Variants in STAT6 observed in about 807,000 individuals in gnomAD.
The protein encoded by STAT6 is signal transducer and activator of transcription 6.
STAT6 carries 45 observed loss-of-function variants against 106.3 expected under a neutral mutation model. The observed-to-expected ratio is 0.42, with a 90% CI of 0.33 to 0.54. The LOEUF is 0.54. STAT6 is among the 20% of genes least tolerant of loss of function. The pLI, the probability that STAT6 is intolerant of heterozygous loss-of-function variation, is 0.06. For missense variants in STAT6, 797 were observed against 1,062.2 expected, an observed-to-expected ratio of 0.75 and a Z score of 3.47; for synonymous variants, 413 against 413.6, an observed-to-expected ratio of 1.00 and a Z score of 0.02.
At chr12:57,105,080 G>T in intron 9 of STAT6, 71 bp downstream of exon 9, 1 of 1,524,706 alleles carries the variant, frequency 6.6e-7, no homozygotes, top group Non-Finnish European at 8.8e-7. Flanking sequence ...GCTCTTTTCA[G>T]TGCCAGCCCT....
rs777746986 is a variant in STAT6, at chr12:57,099,365, C to A, written c.1820G>T (p.Arg607Leu). The A allele has an allele frequency of 6.2e-7, 1 of 1,614,080 alleles. No individual in the cohort carries two copies. Among genetic ancestry groups the A allele is most frequent in the Non-Finnish European group, 8.5e-7 (1 of 1,180,022 alleles). ...LSIRSLGDRIRDLAQLKNLYP... is the reference protein window; with the variant it reads ...LSIRSLGDRILDLAQLKNLYP... ...GAGATTTTTGAGCTGAGCAAGATCC[C>A]GGATTCGGTCCCCCAGTGAGCGAAT... Residue 607 changes from arginine (R) to leucine (L), a missense_variant, in exon 16 of 22, where the codon CGG becomes CTG. Physicochemically the swap from Arg to Leu is moderately radical, Grantham distance 102. Coordinates refer to ENST00000300134, the MANE Select transcript of STAT6 (RefSeq NM_003153.5). The surrounding 1 kb of genome is among the most constrained non-coding windows in gnomAD (Gnocchi z 4.7).
At chr12:57,098,768 A>T in intron 18 of STAT6, 24 bp downstream of exon 18, 1 of 1,609,052 alleles carries the variant, frequency 6.2e-7, no homozygotes, top group Non-Finnish European at 8.5e-7. Flanking sequence ...GACCACTCCC[A>T]TTCCTGTCTT....
intron 11 of STAT6, 35 bp from the exon 12 acceptor site, chr12:57,102,956 C>G: frequency 2.9e-6 from 1 of 343,728 alleles, no homozygotes; most frequent in Admixed American, 5.7e-5. Context: ...TCTTTTCTTT[C>G]TTTCTTTCCT....
intron 17 of STAT6, 34 bp downstream of exon 17, chr12:57,098,981 C>T (rs1463828244): frequency 6.2e-7 from 1 of 1,614,038 alleles, no homozygotes; most frequent in South Asian, 1.1e-5. Flanking sequence ...CACTAAGCCC[C>T]TGACCTACCC....
intron 13 of STAT6, among the ~76,000 whole-genome samples, chr12:57,100,451 C>G (rs535308072): frequency 6.6e-6 from 1 of 152,128 alleles, no homozygotes; most frequent in Non-Finnish European, 1.5e-5. Context: ...TGGAGCCCCT[C>G]TTAACTACTA....
intron 13 of STAT6, among the ~76,000 whole-genome samples, chr12:57,101,518 C>A (rs766539640): frequency 6.6e-6 from 1 of 151,572 alleles, no homozygotes; most frequent in Non-Finnish European, 1.5e-5. Flanking sequence ...ACGCAAACGA[C>A]CACTCCTGGC....
chr12:57,108,344 T>C lies in STAT6; in HGVS notation c.-21-45A>G, dbSNP rs746787447. 7.2e-5 allele frequency: 77 copies of C among 1,067,374 alleles called. No individual in the cohort carries two copies. In the Admixed American group the frequency reaches 9.3e-4, roughly 13 times the overall value. 66.1% of individuals were successfully genotyped at this position (1,067,374 alleles called of 1,614,324 possible). A position where few individuals can be genotyped will look rare whatever the true frequency, so the allele number is the denominator to read the frequency against. The stretch of plus-strand genomic sequence containing the variant: ...CCACTCTGAGGGGTGCCCAAGAAAC[T>C]TGGCCTATCTCCTGGGGCAGCCAGG... On this transcript the variant is annotated intron_variant, in intron 1 of 21. Transcript: ENST00000300134.
At chr12:57,105,934 C>T in intron 7 of STAT6, 1 of 653,732 alleles carries the variant, frequency 1.5e-6, no homozygotes, top group Non-Finnish European at 2.5e-6. Flanking sequence ...AAAAGCCCTC[C>T]TATTCCTCTA....
At chr12:57,098,949 A>T in intron 17 of STAT6, 47 bp from the exon 18 acceptor site, 2 of 1,607,640 alleles carry the variant, frequency 1.2e-6, no homozygotes, top group Non-Finnish European at 1.7e-6. Flanking sequence ...GGTTGATGCC[A>T]CCCCTCCTTC....
intron 5 of STAT6, 54 bp from the exon 6 acceptor site, chr12:57,106,634 G>C (rs1013035910): frequency 2.5e-6 from 4 of 1,613,310 alleles, no homozygotes; most frequent in Non-Finnish European, 2.5e-6. Flanking sequence ...GTTCAGATAA[G>C]GTTGAGATCC....
intron 13 of STAT6, among the ~76,000 whole-genome samples, chr12:57,100,690 AAGAAAGAAAGAG>A (rs2033822815): frequency 4.7e-5 from 2 of 42,238 alleles, no homozygotes; most frequent in Admixed American, 2.9e-4. Context: ...GAAAGAAAGA[AAGAAAGAAAGAG>A]AAAGAAAGAA....
chr12:57,105,052 C>T, intron 9 of STAT6, 99 bp downstream of exon 9: 15 of 1,424,478 alleles, frequency 1.1e-5, no homozygotes, highest in Non-Finnish European at 1.3e-5. Flanking sequence ...ATCCCATGGC[C>T]CTCCCTCCCC....
intron 12 of STAT6, 23 bp from the exon 13 acceptor site, chr12:57,102,519 G>A (rs748266983): frequency 1.2e-6 from 2 of 1,610,980 alleles, no homozygotes; most frequent in South Asian, 1.1e-5. Context: ...GGGAAGAAGA[G>A]AGCACTGCAG....
Position 57,099,506 on chromosome 12 carries a change from C to T in STAT6, c.1745-66G>A. 6.2e-7 allele frequency: 1 copy of T among 1,604,248 alleles called. No homozygotes were observed. The highest frequency in any genetic ancestry group is 1.1e-5 in the South Asian group (1 of 90,262). On this transcript the variant is annotated intron_variant, in intron 15 of 21. Transcript: ENST00000300134. The surrounding 1 kb of genome is among the most constrained non-coding windows in gnomAD (Gnocchi z 4.7). Reference sequence around the variant, plus strand: ...TTTCTTCCCCTTCCCCAACCCCTACCATAAGACCTGTTCTCACTCCACCAA... The same window carrying T: ...TTTCTTCCCCTTCCCCAACCCCTACTATAAGACCTGTTCTCACTCCACCAA...
chr12:57,099,036 G>A lies in STAT6; in HGVS notation c.1934C>T (p.Thr645Ile), dbSNP rs2033647563. ...TCACCTTTCCACGGTCATCTTGATG[G>A]TAGCTGGGACATAACCCCTGCCATC... Reference protein sequence around the residue: ...GKDGRGYVPATIKMTVERDQP... With the variant: ...GKDGRGYVPAIIKMTVERDQP... The change falls in exon 17 of 22, where the codon ACC becomes ATC. Residue 645 changes from threonine (T) to isoleucine (I), a missense_variant. Thr to Ile is a moderately conservative substitution (Grantham distance 89, BLOSUM62 -1). This residue lies in a region of STAT6 where 222 missense variants were observed against 354.6 expected (regional missense o/e 0.63). Transcript: ENST00000300134. The surrounding 1 kb of genome is among the most constrained non-coding windows in gnomAD (Gnocchi z 4.7). 6.2e-7 allele frequency: 1 copy of A among 1,614,064 alleles called. No individual in the cohort carries two copies. Among genetic ancestry groups the A allele is most frequent in the South Asian group, 1.1e-5 (1 of 91,094 alleles).
At chr12:57,098,733 A>G in intron 18 of STAT6, 59 bp downstream of exon 18, 1 of 1,574,562 alleles carries the variant, frequency 6.4e-7, no homozygotes, top group Non-Finnish European at 8.7e-7. Context: ...CCAGCTGCCC[A>G]TGCTAAGATT....
chr12:57,102,434 G>C lies in STAT6; in HGVS notation c.1368C>G (p.Asn456Lys), dbSNP rs374091870. The change falls in exon 13 of 22, where the codon AAC becomes AAG. Residue 456 changes from asparagine to lysine, a missense_variant. Asn to Lys is a moderately conservative substitution (Grantham distance 94). Transcript: ENST00000300134. ...VPWEKMCETL[N>K]LKFMAEVGTN... ...TCCCCACCTCAGCCATGAACTTCAG[G>C]TTCAGAGTTTCACACATCTTCTCCC... The C allele has an allele frequency of 1.4e-5, 23 of 1,613,914 alleles. No individual in the cohort carries two copies. The highest frequency in any genetic ancestry group is 1.9e-5 in the Non-Finnish European group (22 of 1,180,022).
intron 1 of STAT6, among the ~76,000 whole-genome samples, chr12:57,109,123 A>T (rs1416031514): frequency 2.0e-5 from 3 of 152,126 alleles, no homozygotes; most frequent in African/African-American, 7.2e-5. Flanking sequence ...AATGGCGTGA[A>T]CCTGGGGGGC....
chr12:57,105,408 G>GCC lies in STAT6; in HGVS notation c.812+58_812+59dup, dbSNP rs532748897. 3.6e-5 allele frequency: 58 copies of GCC among 1,609,268 alleles called. No individual in the cohort carries two copies. In the African/African-American group the frequency reaches 7.1e-4, roughly 20 times the overall value. On this transcript the variant is annotated intron_variant, in intron 8 of 21. Transcript: ENST00000300134. ...TGCTGGTGCCCTCCCCACAGCTCTA[G>GCC]CCCCCTTCTTTTCTTCCCGAGGTCT...
Sources: gnomAD v4.1 joint callset for allele counts (sites outside exome capture counted in the v4.1 genomes callset) on GRCh38, gnomAD v4.1.1 for gene constraint, gnomAD v4.1.1 regional missense constraint, Gnocchi (gnomAD v3.1) non-coding constraint, MANE v1.5 for transcripts, NCBI Gene and HGNC (gene_info 2026-07-23, HGNC 2026-07-21) for gene names.